Variants in GABRE observed in about 807,000 individuals in gnomAD.
GABRE encodes gamma-aminobutyric acid receptor subunit epsilon.
GABRE carries 20 observed loss-of-function variants against 31.0 expected under a neutral mutation model. The ratio of observed to expected loss-of-function variants is 0.64; its 90% CI spans 0.45 to 0.94. The LOEUF is 0.94. Among genes scored for constraint, GABRE ranks in the 40% least tolerant of loss-of-function variants. The pLI is 0.00. For missense variants in GABRE, 420 were observed against 410.7 expected, an observed-to-expected ratio of 1.02 and a Z score of -0.20; for synonymous variants, 155 against 150.6, an observed-to-expected ratio of 1.03 and a Z score of -0.21.
At chrX:151,969,808 AG>A (rs1934633519) in intron 2 of GABRE, 72 bp from the exon 3 acceptor site, 1 of 1,160,013 alleles carries the variant, frequency 8.6e-7, no homozygotes, top group African/African-American at 1.8e-5. Context: ...AAGTGGTCAG[AG>A]GGGATGAAAG....
At position 151,955,447 on chromosome X, in the gene GABRE, C is replaced by T. The variant is rs188862502; in HGVS notation, c.1058G>A (p.Cys353Tyr). 1.7e-6 allele frequency: 2 copies of T among 1,210,226 alleles called. No homozygotes were observed. The highest frequency in any genetic ancestry group is 2.2e-6 in the Non-Finnish European group (2 of 895,137). Reference sequence around the variant, plus strand: ...GAGCACAGCAAACTCCAACAGAGCGCAGAAGCAGAAGACGAAGCAGATGGC... The same window carrying T: ...GAGCACAGCAAACTCCAACAGAGCGTAGAAGCAGAAGACGAAGCAGATGGC... Reference protein sequence around the residue: ...YIAICFVFCFCALLEFAVLNF... With the variant: ...YIAICFVFCFYALLEFAVLNF... Residue 353 changes from cysteine (C) to tyrosine (Y), a missense_variant, in exon 8 of 9, where the codon TGC (cysteine) becomes TAC (tyrosine). Transcript: ENST00000370328.
At position 151,961,199 on chromosome X, in the gene GABRE, G is replaced by T. The variant is rs765454200; in HGVS notation, c.646+84C>A. The T allele has an allele frequency of 7.9e-6, 5 of 631,268 alleles. No homozygotes were observed. The South Asian group carries it at 1.0e-4, about 13-fold the overall frequency. The allele number at this position is 631,268 out of a possible 1,213,427, so 52.0% of individuals were successfully genotyped here. ...GCAGCATTTTAGAAGAAAAGCAGAG[G>T]CAGAAAAATGTAAATGGCAAGGATG... On this transcript the variant is annotated intron_variant, in intron 5 of 8. Coordinates refer to ENST00000370328, the MANE Select transcript of GABRE (RefSeq NM_004961.4).
chrX:151,960,067 G>C, intron 5 of GABRE, 91 bp from the exon 6 acceptor site: 3 of 869,528 alleles, frequency 3.5e-6, no homozygotes, highest in Non-Finnish European at 4.9e-6. Context: ...ACAATGCCTT[G>C]GAGTCCTGTC....
intron 6 of GABRE, chrX:151,957,215 G>C (rs1934200885): frequency 4.7e-6 from 1 of 211,882 alleles, no homozygotes; most frequent in African/African-American, 2.9e-5. Flanking sequence ...ATTTTGGAAA[G>C]TGGATCAACT....
intron 1 of GABRE, chrX:151,971,536 A>G (rs2124183645): frequency 6.1e-6 from 1 of 162,874 alleles, no homozygotes; most frequent in South Asian, 1.2e-4. Flanking sequence ...AATATTAATG[A>G]CTAGAAATAC....
intron 5 of GABRE, 106 bp downstream of exon 5, chrX:151,961,177 G>A (rs1447595322): frequency 3.6e-6 from 2 of 548,310 alleles, no homozygotes; most frequent in Non-Finnish European, 6.3e-6. Flanking sequence ...AACCTTGGCA[G>A]CATTTTAGAA....
intron 5 of GABRE, 90 bp downstream of exon 5, chrX:151,961,193 G>A: frequency 1.6e-6 from 1 of 611,345 alleles, no homozygotes; most frequent in Non-Finnish European, 2.7e-6. Flanking sequence ...TAGAAGAAAA[G>A]CAGAGGCAGA....
intron 3 of GABRE, among the ~76,000 whole-genome samples, chrX:151,968,283 C>A (rs1328793771): frequency 2.7e-5 from 3 of 112,347 alleles, no homozygotes; most frequent in Non-Finnish European, 5.6e-5. Flanking sequence ...GTGAGAGACC[C>A]TGAAACAGAG....
rs759737248 is a variant in GABRE, at chrX:151,970,290, T to C, written c.169A>G (p.Thr57Ala). The C allele has an allele frequency of 6.6e-6, 8 of 1,212,079 alleles. No individual in the cohort carries two copies. Among genetic ancestry groups the C allele is most frequent in the African/African-American group, 1.7e-5 (1 of 57,896 alleles). Reference protein sequence around the residue: ...NQLLSEETKSTETETGSRVGK... With the variant: ...NQLLSEETKSAETETGSRVGK... Reference sequence around the variant, plus strand: ...ACTCTGCTCCCAGTCTCAGTCTCAGTTGACTTTGTTTCCTCAGAGAGGAGC... The same window carrying C: ...ACTCTGCTCCCAGTCTCAGTCTCAGCTGACTTTGTTTCCTCAGAGAGGAGC... Residue 57 changes from threonine to alanine, a missense_variant, in exon 2 of 9, where the codon ACT becomes GCT. Transcript: ENST00000370328.
At chrX:151,957,475 G>A (rs989772626) in intron 6 of GABRE, 3 of 329,289 alleles carry the variant, frequency 9.1e-6, no homozygotes, top group African/African-American at 2.7e-5. Flanking sequence ...TCCTCTTGCC[G>A]TGGGATCTTG....
In GABRE at chrX:151,954,196, C is replaced by T. The variant is rs1934052719; in HGVS notation, c.*505G>A. 8.8e-6 allele frequency: 1 copy of T among 114,060 alleles called. No homozygotes were observed. The allele number at this position is 114,060 out of a possible 1,213,427, so 9.4% of individuals were successfully genotyped here. On this transcript the variant is annotated 3_prime_UTR_variant, in exon 9 of 9. Coordinates refer to ENST00000370328, the MANE Select transcript of GABRE (RefSeq NM_004961.4). The stretch of plus-strand genomic sequence containing the variant: ...TCTGACCAAAGGAGAGGGATCTCTT[C>T]CTCCTGTTATACTGCTGCCCAGCAT...
chrX:151,970,581 C>A, intron 1 of GABRE, 179 bp from the exon 2 acceptor site: 1 of 486,847 alleles, frequency 2.1e-6, no homozygotes, highest in Non-Finnish European at 3.3e-6. Flanking sequence ...TCTTTTAAAC[C>A]TTGCTGCTCT....
intron 6 of GABRE, chrX:151,957,474 C>T (rs768234791): frequency 9.4e-5 from 31 of 329,249 alleles, no homozygotes; most frequent in Admixed American, 5.3e-4. Context: ...GTCCTCTTGC[C>T]GTGGGATCTT....
At chrX:151,962,310 C>G (rs112005773) in intron 4 of GABRE, 113 bp downstream of exon 4, 11 of 640,080 alleles carry the variant, frequency 1.7e-5, no homozygotes, top group African/African-American at 1.1e-4. Context: ...GAAAGCTGGA[C>G]AGGCCCTTAG....
At chrX:151,968,129 G>A (rs767742816) in intron 3 of GABRE, among the ~76,000 whole-genome samples, 5 of 112,716 alleles carry the variant, frequency 4.4e-5, no homozygotes, top group Non-Finnish European at 7.5e-5. Context: ...GGTGCACATG[G>A]CAAGGATGGA....
chrX:151,956,376 T>C (rs1934169260), intron 6 of GABRE: 1 of 118,966 alleles, frequency 8.4e-6, no homozygotes, highest in South Asian at 3.2e-4. Flanking sequence ...GCAAAATGCC[T>C]TCGTGAGTGA....
At chrX:151,959,269 T>C (rs1934279229) in intron 6 of GABRE, 1 of 244,859 alleles carries the variant, frequency 4.1e-6, no homozygotes, top group South Asian at 4.2e-5. Flanking sequence ...ACTATGTCTA[T>C]GTGGAATCCA....
At chrX:151,955,902 C>G in intron 6 of GABRE, 42 bp from the exon 7 acceptor site, 2 of 1,179,226 alleles carry the variant, frequency 1.7e-6, no homozygotes, top group East Asian at 3.0e-5. Context: ...AGTGCTGACA[C>G]GACGGTCCCC....
intron 2 of GABRE, 128 bp from the exon 3 acceptor site, chrX:151,969,864 C>G (rs768980985): frequency 1.8e-6 from 2 of 1,092,107 alleles, no homozygotes; most frequent in South Asian, 5.3e-5. Context: ...GCATCTAATC[C>G]TATTTCTTTA....
Sources: gnomAD v4.1 joint callset for allele counts (sites outside exome capture counted in the v4.1 genomes callset) on GRCh38, gnomAD v4.1.1 for gene constraint, MANE v1.5 for transcripts, NCBI Gene and HGNC (gene_info 2026-07-23, HGNC 2026-07-21) for gene names.